SETBP1: variants seen among roughly 807,000 people sequenced by gnomAD.
SETBP1 encodes the protein SET-binding protein.
SETBP1 carries 9 observed loss-of-function variants against 101.0 expected under a neutral mutation model. That is an observed-to-expected ratio of 0.09 (90% CI 0.05 to 0.16). The LOEUF (loss-of-function observed/expected upper bound fraction) is 0.16. SETBP1 is among the 10% of genes least tolerant of loss of function. The probability of loss-of-function intolerance (pLI) is 1.00; values close to 1 mark genes in which losing one functional copy is unlikely to be tolerated. For synonymous variants in SETBP1, 818 were observed against 788.5 expected (o/e 1.04, Z -0.63); for missense variants, 1,858 against 2,033.8 (o/e 0.91, Z 1.66).
At chr18:44,689,385 T>G (rs540433134) in intron 1 of SETBP1, among the ~76,000 whole-genome samples, 2 of 152,310 alleles carry the variant, frequency 1.3e-5, no homozygotes, top group African/African-American at 4.8e-5. Context: ...CTGTCCACAG[T>G]GAGAAGGATA....
At chr18:44,996,744 CAA>C (rs1316340683) in intron 4 of SETBP1, among the ~76,000 whole-genome samples, 1 of 152,258 alleles carries the variant, frequency 6.6e-6, no homozygotes. Context: ...CTTGTAACAT[CAA>C]GTCAGGCAGA....
At chr18:44,850,383 T>C (rs2072825826) in intron 2 of SETBP1, among the ~76,000 whole-genome samples, 1 of 152,120 alleles carries the variant, frequency 6.6e-6, no homozygotes, top group African/African-American at 2.4e-5. Context: ...TTTTTTCTTT[T>C]TTTTTGAGAC....
intron 3 of SETBP1, among the ~76,000 whole-genome samples, chr18:44,943,109 A>G (rs1344230198): frequency 3.9e-5 from 6 of 152,238 alleles, no homozygotes; most frequent in Admixed American, 3.9e-4. Flanking sequence ...AAATGCAGGA[A>G]TGAACTGGGC....
chr18:44,932,598 T>C (rs1283570435), intron 3 of SETBP1, among the ~76,000 whole-genome samples: 2 of 152,244 alleles, frequency 1.3e-5, no homozygotes, highest in East Asian at 3.8e-4. Context: ...GATTTGGTCT[T>C]TTCACATAGT....
chr18:44,932,698 C>A (rs181738167), intron 3 of SETBP1, among the ~76,000 whole-genome samples: 1 of 152,214 alleles, frequency 6.6e-6, no homozygotes, highest in African/African-American at 2.4e-5. Flanking sequence ...ATTTGATCTT[C>A]CATCACTGAT....
At chr18:44,980,210 G>A (rs939797123) in intron 4 of SETBP1, among the ~76,000 whole-genome samples, 2 of 152,210 alleles carry the variant, frequency 1.3e-5, no homozygotes, top group African/African-American at 2.4e-5. Flanking sequence ...TATTTTGATA[G>A]TGGTGTCAGG....
intron 2 of SETBP1, among the ~76,000 whole-genome samples, chr18:44,864,705 C>G (rs771719747): frequency 6.6e-6 from 1 of 152,108 alleles, no homozygotes. Context: ...CGCACCCTCT[C>G]GACCCTCTAG....
At chr18:44,852,692 T>G (rs2072896672) in intron 2 of SETBP1, among the ~76,000 whole-genome samples, 1 of 152,172 alleles carries the variant, frequency 6.6e-6, no homozygotes, top group African/African-American at 2.4e-5. Context: ...AAACTGAATT[T>G]CAAGCAAGTA....
chr18:45,004,504 C>A (rs1018584605), intron 4 of SETBP1, among the ~76,000 whole-genome samples: 4 of 152,192 alleles, frequency 2.6e-5, no homozygotes, highest in African/African-American at 4.8e-5. Context: ...GTAGAAGAGT[C>A]TCTTCTGTTT....
intron 2 of SETBP1, among the ~76,000 whole-genome samples, chr18:44,719,032 A>C (rs139034498): frequency 3.2e-4 from 49 of 152,300 alleles, no homozygotes; most frequent in African/African-American, 1.2e-3. Flanking sequence ...GTCTATGTGA[A>C]GACACATGGG....
At chr18:44,960,212 T>C (rs1038899531) in intron 4 of SETBP1, among the ~76,000 whole-genome samples, 20 of 151,976 alleles carry the variant, frequency 1.3e-4, no homozygotes, top group Admixed American at 1.0e-3. Flanking sequence ...TGCCGTTTTA[T>C]TGGGGTTTGG....
chr18:44,946,177 C>A (rs1425844891), intron 3 of SETBP1, among the ~76,000 whole-genome samples: 2 of 152,176 alleles, frequency 1.3e-5, no homozygotes, highest in Non-Finnish European at 1.5e-5. Flanking sequence ...AAGCACCATT[C>A]CCCCCATTAC....
intron 2 of SETBP1, among the ~76,000 whole-genome samples, chr18:44,830,662 G>A (rs1281824706): frequency 1.3e-5 from 2 of 152,182 alleles, no homozygotes; most frequent in Non-Finnish European, 1.5e-5. Flanking sequence ...AGAGAGCAGA[G>A]TTACTAGGGA....
Position 44,957,022 on chromosome 18 carries a change from T to C in SETBP1, c.4000+3682T>C, listed in dbSNP as rs866354951. Among the ~76,000 whole-genome samples the C allele has an allele frequency of 2.6e-5, 4 of 152,156 alleles. 1 individual carries two copies. Among genetic ancestry groups the C allele is most frequent in the South Asian group, 4.1e-4 (2 of 4,832 alleles). On this transcript the variant is annotated intron_variant, in intron 4 of 5. Transcript: ENST00000649279. ...ATGCATACCATCTGCTAAATGTCCG[T>C]TTATAAAAATGCTTGCCTGGGACCA...
At chr18:44,948,412 A>G (rs1334148386) in intron 3 of SETBP1, among the ~76,000 whole-genome samples, 3 of 152,108 alleles carry the variant, frequency 2.0e-5, no homozygotes, top group African/African-American at 7.2e-5. Flanking sequence ...GACTCTTAAC[A>G]GGGGCTGTAA....
intron 2 of SETBP1, among the ~76,000 whole-genome samples, chr18:44,791,716 G>GGGGCGAGAGAGAGAGAGAGAGA (rs1233859049): frequency 6.6e-6 from 1 of 151,162 alleles, no homozygotes; most frequent in African/African-American, 2.4e-5. Context: ...TTTTCCTGTG[G>GGGGCGAGAGAGAGAGAGAGAGA]GGGCGAGAGA....
chr18:44,767,652 C>T (rs2070786842), intron 2 of SETBP1, among the ~76,000 whole-genome samples: 1 of 152,218 alleles, frequency 6.6e-6, no homozygotes, highest in African/African-American at 2.4e-5. Context: ...TTAGGGTCAA[C>T]ATAGGCCACC....
chr18:44,965,233 C>T (rs1006079262), intron 4 of SETBP1, among the ~76,000 whole-genome samples: 2 of 151,614 alleles, frequency 1.3e-5, no homozygotes, highest in African/African-American at 4.8e-5. Flanking sequence ...TTTACAATTA[C>T]CACTCTCACT....
chr18:44,963,833 G>A (rs1265373769), intron 4 of SETBP1, among the ~76,000 whole-genome samples: 1 of 121,586 alleles, frequency 8.2e-6, no homozygotes, highest in Non-Finnish European at 1.6e-5. Flanking sequence ...AAGGCTGCAG[G>A]AAACCACGAT....
Sources: allele counts gnomAD v4.1 joint callset (sites outside exome capture counted in the v4.1 genomes callset), GRCh38; gene constraint gnomAD v4.1.1; transcripts MANE v1.5; gene names NCBI Gene and HGNC (gene_info 2026-07-23, HGNC 2026-07-21).